NFATC1: variants seen among roughly 807,000 people sequenced by gnomAD.
NFATC1 encodes nuclear factor of activated T-cells, cytoplasmic 1.
Under a neutral mutation model 76.0 loss-of-function variants are expected in NFATC1, and 22 were observed. That is an observed-to-expected ratio of 0.29 (90% CI 0.21 to 0.41). The LOEUF (loss-of-function observed/expected upper bound fraction) is 0.41. Ranked by LOEUF, NFATC1 falls within the 10% of genes least tolerant of loss-of-function variation. The probability of loss-of-function intolerance (pLI) is 1.00; values close to 1 mark genes in which losing one functional copy is unlikely to be tolerated. For missense variants in NFATC1, 1,357 were observed against 1,337.7 expected, an observed-to-expected ratio of 1.01 and a Z score of -0.23; for synonymous variants, 704 against 613.1, an observed-to-expected ratio of 1.15 and a Z score of -2.19.
chr18:79,472,825 G>A (rs1281113101), intron 8 of NFATC1, among the ~76,000 whole-genome samples: 2 of 152,234 alleles, frequency 1.3e-5, no homozygotes, highest in African/African-American at 2.4e-5. Flanking sequence ...GCCTCGCGGC[G>A]CTCTGGGTTT....
At chr18:79,401,380 A>AT (rs2085249529) in intron 1 of NFATC1, among the ~76,000 whole-genome samples, 2 of 151,966 alleles carry the variant, frequency 1.3e-5, no homozygotes, top group Non-Finnish European at 2.9e-5. Flanking sequence ...CGTCTTGATC[A>AT]TTTTTTGAAA....
intron 1 of NFATC1, among the ~76,000 whole-genome samples, chr18:79,402,080 C>T (rs968695833): frequency 2.0e-5 from 3 of 152,238 alleles, no homozygotes; most frequent in Admixed American, 6.5e-5. Context: ...ACGTGGTCAG[C>T]GCACCCCCAG....
At chr18:79,412,986 A>G (rs1327594594) in intron 2 of NFATC1, among the ~76,000 whole-genome samples, 1 of 152,232 alleles carries the variant, frequency 6.6e-6, no homozygotes, top group South Asian at 2.1e-4. Context: ...TAAAAATCCC[A>G]TTCAGTTGGA....
chr18:79,499,334 T>C (rs190059924), intron 9 of NFATC1, among the ~76,000 whole-genome samples: 2 of 127,188 alleles, frequency 1.6e-5, no homozygotes, highest in African/African-American at 5.0e-5. Context: ...TAAGAAAATA[T>C]ATATGTGTGT....
chr18:79,511,049 G>A (rs1480292510), intron 9 of NFATC1, among the ~76,000 whole-genome samples: 1 of 152,224 alleles, frequency 6.6e-6, no homozygotes. Flanking sequence ...TGTCTGTCAG[G>A]GTGCCCTGGG....
chr18:79,448,179 G>T (rs2087296056), intron 3 of NFATC1: 1 of 155,830 alleles, frequency 6.4e-6, no homozygotes, highest in Non-Finnish European at 1.4e-5. Flanking sequence ...GCCCTAGGCA[G>T]TGTCTGCCGC....
intron 1 of NFATC1, chr18:79,400,370 C>T: frequency 6.9e-7 from 1 of 1,442,800 alleles, no homozygotes; most frequent in South Asian, 1.3e-5. Context: ...CGGCTCCCGC[C>T]CCGGCCCCGG....
intron 3 of NFATC1, among the ~76,000 whole-genome samples, chr18:79,439,100 A>C (rs1021067726): frequency 1.3e-5 from 2 of 152,116 alleles, no homozygotes; most frequent in African/African-American, 4.8e-5. Context: ...GGTTCCTGAG[A>C]GCCCGTGAAT....
At chr18:79,503,117 G>A (rs192848696) in intron 9 of NFATC1, among the ~76,000 whole-genome samples, 4 of 152,320 alleles carry the variant, frequency 2.6e-5, no homozygotes, top group Admixed American at 2.0e-4. Flanking sequence ...ATCCTCACCC[G>A]AGTGTTATCC....
intron 2 of NFATC1, among the ~76,000 whole-genome samples, chr18:79,418,843 TGGTGTGAG>T (rs1045465305): frequency 2.6e-5 from 4 of 152,174 alleles, no homozygotes; most frequent in African/African-American, 7.2e-5. Context: ...TGGGAAGGAC[TGGTGTGAG>T]GGTGTGAGGA....
At chr18:79,440,856 C>T (rs1044511127) in intron 3 of NFATC1, among the ~76,000 whole-genome samples, 3 of 151,932 alleles carry the variant, frequency 2.0e-5, no homozygotes, top group African/African-American at 4.8e-5. Flanking sequence ...CGGCTGCTTG[C>T]TTTCTTTGTC....
chr18:79,425,951 C>G (rs572036657), intron 2 of NFATC1, among the ~76,000 whole-genome samples: 2 of 152,330 alleles, frequency 1.3e-5, no homozygotes, highest in South Asian at 4.1e-4. Flanking sequence ...GCAGCTCACA[C>G]CTGGAATCCC....
chr18:79,401,310 G>A (rs1419288440), intron 1 of NFATC1, among the ~76,000 whole-genome samples: 1 of 152,070 alleles, frequency 6.6e-6, no homozygotes, highest in Non-Finnish European at 1.5e-5. Context: ...GACCTCCGCC[G>A]AGTCTGTAAT....
intron 2 of NFATC1, among the ~76,000 whole-genome samples, chr18:79,430,945 C>T (rs775279189): frequency 3.9e-5 from 6 of 152,186 alleles, no homozygotes; most frequent in Non-Finnish European, 7.3e-5. Context: ...TGTGTGGAGG[C>T]CTGGGTCCAG....
chr18:79,396,301 C>G lies in NFATC1; in HGVS notation c.77C>G (p.Thr26Ser). 4.9e-6 allele frequency: 7 copies of G among 1,437,838 alleles called. 1 individual carries two copies. The South Asian group carries it at 9.5e-5, about 20-fold the overall frequency. 89.1% of individuals were successfully genotyped at this position (1,437,838 alleles called of 1,614,324 possible). A position where few individuals can be genotyped will look rare whatever the true frequency, so the allele number is the denominator to read the frequency against. The change falls in exon 1 of 10, where the codon ACT (threonine) becomes AGT (serine). Residue 26 changes from threonine (T) to serine (S), a missense_variant. This residue lies in a region of NFATC1 where 691 missense variants were observed against 613.1 expected (regional missense o/e 1.13). Transcript: ENST00000427363. ...PAAAVFGRGETLGPAPRAGGT... is the reference protein window; with the variant it reads ...PAAAVFGRGESLGPAPRAGGT... Reference sequence around the variant, plus strand: ...GCTGCGGTCTTCGGGAGAGGAGAAACTTTGGGGCCCGCGCCGCGCGCCGGC... The same window carrying G: ...GCTGCGGTCTTCGGGAGAGGAGAAAGTTTGGGGCCCGCGCCGCGCGCCGGC...
chr18:79,472,505 G>A (rs1433101610), intron 8 of NFATC1, among the ~76,000 whole-genome samples: 1 of 152,232 alleles, frequency 6.6e-6, no homozygotes, highest in Non-Finnish European at 1.5e-5. Context: ...TCCACTGCAT[G>A]TAAAGCTTGA....
At chr18:79,440,924 C>T (rs1354353371) in intron 3 of NFATC1, among the ~76,000 whole-genome samples, 2 of 152,196 alleles carry the variant, frequency 1.3e-5, no homozygotes, top group South Asian at 4.1e-4. Context: ...GTGGGAGTGG[C>T]GGCTGGGAGC....
At chr18:79,489,621 C>T (rs1345612781) in intron 9 of NFATC1, among the ~76,000 whole-genome samples, 1 of 152,248 alleles carries the variant, frequency 6.6e-6, no homozygotes, top group Admixed American at 6.5e-5. Flanking sequence ...TGATCCTCCC[C>T]AAACTCGGAT....
intron 1 of NFATC1, among the ~76,000 whole-genome samples, chr18:79,406,877 C>T (rs1413389382): frequency 3.3e-5 from 5 of 152,266 alleles, no homozygotes; most frequent in Admixed American, 6.5e-5. Flanking sequence ...TCTTCCGCAG[C>T]GCTCCATGCG....
Sources: gnomAD v4.1 joint callset for allele counts (sites outside exome capture counted in the v4.1 genomes callset) on GRCh38, gnomAD v4.1.1 for gene constraint, gnomAD v4.1.1 regional missense constraint, MANE v1.5 for transcripts, NCBI Gene and HGNC (gene_info 2026-07-23, HGNC 2026-07-21) for gene names.